The following ADGRL2 variants were observed in gnomAD, a reference collection of about 807,000 sequenced individuals.
ADGRL2 encodes the protein calcium-independent alpha-latrotoxin receptor 2.
A neutral mutation model predicts 157.4 loss-of-function variants in ADGRL2; 44 were observed. That is an observed-to-expected ratio of 0.28 (90% CI 0.22 to 0.36). The LOEUF (loss-of-function observed/expected upper bound fraction) is 0.36. Among genes scored for constraint, ADGRL2 ranks in the 10% least tolerant of loss-of-function variants. The pLI is 1.00. For missense variants in ADGRL2, 1,510 were observed against 1,768.9 expected, an observed-to-expected ratio of 0.85 and a Z score of 2.63; for synonymous variants, 585 against 624.7, an observed-to-expected ratio of 0.94 and a Z score of 0.95.
At chr1:81,543,754 TC>T (rs2079946848) in intron 2 of ADGRL2, among the ~76,000 whole-genome samples, 1 of 152,148 alleles carries the variant, frequency 6.6e-6, no homozygotes, top group Non-Finnish European at 1.5e-5. Flanking sequence ...GTTTCCCATT[TC>T]TTTCAGAACA....
chr1:81,939,116 A>G (rs566157039), intron 4 of ADGRL2, among the ~76,000 whole-genome samples: 1 of 151,748 alleles, frequency 6.6e-6, no homozygotes, highest in South Asian at 2.1e-4. Flanking sequence ...AAGCAATTTA[A>G]GAAGGTTTTC....
At chr1:81,388,418 T>A (rs1229359239) in intron 1 of ADGRL2, among the ~76,000 whole-genome samples, 4 of 149,488 alleles carry the variant, frequency 2.7e-5, no homozygotes, top group Non-Finnish European at 5.9e-5. Context: ...AGGCTGCAAA[T>A]CAGTAAAAAT....
At chr1:81,690,454 C>G (rs754123962) in intron 3 of ADGRL2, among the ~76,000 whole-genome samples, 68 of 152,122 alleles carry the variant, frequency 4.5e-4, no homozygotes, top group Admixed American at 7.9e-4. Flanking sequence ...CAAGATCTCA[C>G]CACTGCACTC....
intron 1 of ADGRL2, among the ~76,000 whole-genome samples, chr1:81,381,204 T>C (rs2076338481): frequency 6.6e-6 from 1 of 152,172 alleles, no homozygotes. Context: ...GTCAGTCAAA[T>C]TCATGATATT....
intron 2 of ADGRL2, among the ~76,000 whole-genome samples, chr1:81,894,262 TG>T (rs901820165): frequency 2.0e-5 from 3 of 151,962 alleles, no homozygotes; most frequent in Non-Finnish European, 4.4e-5. Context: ...TGTTTGGTGG[TG>T]TTTTTTTTAA....
At chr1:81,584,669 A>G (rs557125446) in intron 3 of ADGRL2, among the ~76,000 whole-genome samples, 1 of 152,272 alleles carries the variant, frequency 6.6e-6, no homozygotes, top group Non-Finnish European at 1.5e-5. Context: ...AACTAAACAA[A>G]AGTGTTGAAA....
At chr1:81,782,081 T>C (rs1386868607) in intron 2 of ADGRL2, among the ~76,000 whole-genome samples, 1 of 152,214 alleles carries the variant, frequency 6.6e-6, no homozygotes, top group Non-Finnish European at 1.5e-5. Flanking sequence ...CACTAAAATA[T>C]TTAATAATGT....
chr1:81,630,679 C>A (rs758280340), intron 3 of ADGRL2, among the ~76,000 whole-genome samples: 9 of 152,120 alleles, frequency 5.9e-5, no homozygotes, highest in Non-Finnish European at 1.3e-4. Flanking sequence ...ATATATTGGG[C>A]TTGATTAGCA....
intron 1 of ADGRL2, among the ~76,000 whole-genome samples, chr1:81,351,634 C>T (rs552052922): frequency 5.3e-5 from 8 of 152,032 alleles, no homozygotes; most frequent in South Asian, 4.1e-4. Flanking sequence ...GTATTTTACC[C>T]AGCACGTCAA....
At chr1:81,709,808 A>G (rs2083863334) in intron 1 of ADGRL2, among the ~76,000 whole-genome samples, 1 of 152,174 alleles carries the variant, frequency 6.6e-6, no homozygotes, top group African/African-American at 2.4e-5. Context: ...ACCAAGCTTT[A>G]AAAAAATTTT....
chr1:81,589,029 T>C (rs1057007573), intron 3 of ADGRL2, among the ~76,000 whole-genome samples: 1 of 152,144 alleles, frequency 6.6e-6, no homozygotes, highest in Non-Finnish European at 1.5e-5. Context: ...TTATTTTTAC[T>C]CTTTGATTCC....
At position 81,787,993 on chromosome 1, in the gene ADGRL2, AAAAAT is replaced by A. The variant is rs144403111; in HGVS notation, c.-101+26144_-101+26148del. 9.8e-3 allele frequency among the ~76,000 whole-genome samples: 1,492 copies of A among 152,324 alleles called. 24 individuals are homozygous for A. Among genetic ancestry groups the A allele is most frequent in the African/African-American group, 0.032 (1,344 of 41,578 alleles). ...TAAAATGTTTATAGGGGCCAGGAAG[AAAAAT>A]AATGGGTGAAAGATACAGTCCTCTT... On this transcript the variant is annotated intron_variant, in intron 2 of 20. Transcript: ENST00000359929.
intron 1 of ADGRL2, among the ~76,000 whole-genome samples, chr1:81,414,937 T>C (rs566781323): frequency 6.6e-6 from 1 of 152,208 alleles, no homozygotes; most frequent in African/African-American, 2.4e-5. Flanking sequence ...AGTTTGATCA[T>C]CTTCCGTTTC....
At chr1:81,630,729 A>C (rs2081995983) in intron 3 of ADGRL2, among the ~76,000 whole-genome samples, 1 of 152,192 alleles carries the variant, frequency 6.6e-6, no homozygotes, top group Non-Finnish European at 1.5e-5. Context: ...TTTTTCAAAA[A>C]TATGTAAAAT....
chr1:81,835,942 T>G (rs1476967721), intron 1 of ADGRL2, among the ~76,000 whole-genome samples: 1 of 152,150 alleles, frequency 6.6e-6, no homozygotes, highest in Admixed American at 6.6e-5. Context: ...TACATTATAA[T>G]GAACTGATAG....
chr1:81,468,103 A>G (rs745702172), intron 2 of ADGRL2, among the ~76,000 whole-genome samples: 13 of 152,166 alleles, frequency 8.5e-5, no homozygotes, highest in Non-Finnish European at 1.3e-4. Flanking sequence ...AATCCTATAG[A>G]AACAAATAAG....
At chr1:81,542,091 T>A (rs2079899570) in intron 2 of ADGRL2, among the ~76,000 whole-genome samples, 1 of 152,226 alleles carries the variant, frequency 6.6e-6, no homozygotes, top group Non-Finnish European at 1.5e-5. Context: ...TTCAGGTAAA[T>A]TTTCAAATAT....
chr1:81,739,842 C>G (rs1030467096), intron 1 of ADGRL2, among the ~76,000 whole-genome samples: 2 of 152,184 alleles, frequency 1.3e-5, no homozygotes, highest in Admixed American at 6.5e-5. Flanking sequence ...CTTAGCATGC[C>G]TAGGTCCTTC....
chr1:81,434,334 G>C (rs2077372629), intron 1 of ADGRL2, among the ~76,000 whole-genome samples: 5 of 151,990 alleles, frequency 3.3e-5, no homozygotes, highest in Admixed American at 3.3e-4. Flanking sequence ...ATTATTTTCT[G>C]GGTACTTATT....
Sources: gnomAD v4.1 joint callset for allele counts (sites outside exome capture counted in the v4.1 genomes callset) on GRCh38, gnomAD v4.1.1 for gene constraint, MANE v1.5 for transcripts, NCBI Gene and HGNC (gene_info 2026-07-23, HGNC 2026-07-21) for gene names.